OBSL1: variants seen among roughly 807,000 people sequenced by gnomAD.
OBSL1 encodes obscurin like cytoskeletal adaptor 1.
Under a neutral mutation model 172.0 loss-of-function variants are expected in OBSL1, and 160 were observed. That is an observed-to-expected ratio of 0.93 (90% CI 0.82 to 1.06). The LOEUF (loss-of-function observed/expected upper bound fraction) is 1.06. OBSL1 is among the 50% of genes least tolerant of loss of function. The probability of loss-of-function intolerance (pLI) is 0.00; values close to 1 mark genes in which losing one functional copy is unlikely to be tolerated. For synonymous variants in OBSL1, 1,200 were observed against 1,196.3 expected, an observed-to-expected ratio of 1.00 and a Z score of -0.06; for missense variants, 2,681 against 2,715.4, an observed-to-expected ratio of 0.99 and a Z score of 0.28.
At chr2:219,555,669 G>C (rs896716144) in intron 14 of OBSL1, 2 of 1,095,796 alleles carry the variant, frequency 1.8e-6, no homozygotes, top group Admixed American at 4.6e-5. Flanking sequence ...TGGGTGGGAG[G>C]TGTGGGGTGC....
intron 16 of OBSL1, 26 bp downstream of exon 16, chr2:219,553,548 G>A (rs1232907916): frequency 6.5e-7 from 1 of 1,542,774 alleles, no homozygotes; most frequent in East Asian, 2.3e-5. Context: ...ACACTGAAGT[G>A]GGCTTGGCTG....
Position 219,570,843 on chromosome 2 carries a change from G to A in OBSL1, c.390C>T (p.Phe130=), listed in dbSNP as rs1276280158. ...SPGSGEGAPV[F]LTGPRSQWVL... is the part of the protein sequence containing the mutation. ...CCCACTGGGATCGAGGCCCCGTGAG[G>A]AAGACCGGGGCGCCCTCCCCGGACC... The change falls in exon 1 of 21, where the codon TTC becomes TTT. Residue 130 remains phenylalanine (F), a synonymous_variant. Transcript: ENST00000404537. The A allele has an allele frequency of 2.1e-6, 3 of 1,448,912 alleles. No individual in the cohort carries two copies. The highest frequency in any genetic ancestry group is 6.0e-5 in the East Asian group (2 of 33,402). 89.8% of individuals were successfully genotyped at this position (1,448,912 alleles called of 1,614,324 possible).
In OBSL1 at chr2:219,551,590, G is replaced by A. The variant is rs1317355221; in HGVS notation, c.5622C>T (p.Asp1874=). 1.2e-6 allele frequency: 2 copies of A among 1,609,092 alleles called. No homozygotes were observed. Residue 1874 remains aspartate (D), a synonymous_variant, in exon 20 of 21, where the codon GAC becomes GAT. Transcript: ENST00000404537. The part of the protein sequence containing the change: ...SLVIHDVRPE[D]QGTYCCQAGQ... ...CGGCCTGGCAGCAGTAAGTGCCTTG[G>A]TCCTCAGGTCGAACGTCATGGATGA... is the stretch of plus-strand genomic sequence containing the variant.
At chr2:219,557,171 A>G (rs1352382309) in intron 12 of OBSL1, 172 bp downstream of exon 12, 4 of 615,350 alleles carry the variant, frequency 6.5e-6, no homozygotes, top group Non-Finnish European at 7.8e-6. Context: ...TGCTCTCAAC[A>G]TGAGGGTTTC....
Position 219,557,969 on chromosome 2 carries a change from T to C in OBSL1, c.3644A>G (p.Glu1215Gly). Reference protein sequence around the residue: ...VWSHNGRPVQEGEGLELHAEG... With the variant: ...VWSHNGRPVQGGEGLELHAEG... The stretch of plus-strand genomic sequence containing the variant: ...GGCATGGAGCTCTAGGCCCTCGCCC[T>C]CCTGCACGGGCCTCCCATTGTGGCT... The change falls in exon 11 of 21, where the codon GAG (glutamate) becomes GGG (glycine). Residue 1215 changes from glutamate (E) to glycine (G), a missense_variant. Physicochemically the swap from Glu to Gly is moderately conservative, Grantham distance 98. Around this residue, in one of 5 missense-constraint regions of OBSL1, gnomAD observed 1,765 missense variants for 1,748.3 expected, o/e 1.01. Coordinates refer to ENST00000404537, the MANE Select transcript of OBSL1 (RefSeq NM_015311.3). The C allele has an allele frequency of 6.2e-7, 1 of 1,609,718 alleles. No individual in the cohort carries two copies. The highest frequency in any genetic ancestry group is 8.5e-7 in the Non-Finnish European group (1 of 1,178,994).
Position 219,557,253 on chromosome 2 carries a change from A to T in OBSL1, c.4066+90T>A, listed in dbSNP as rs113463491. The T allele has an allele frequency of 1.6e-3, 2,138 of 1,303,016 alleles. 22 individuals carry two copies. In the African/African-American group the frequency reaches 0.029, roughly 18 times the overall value. The allele number at this position is 1,303,016 out of a possible 1,614,324, so 80.7% of individuals were successfully genotyped here. A position where few individuals can be genotyped will look rare whatever the true frequency, so the allele number is the denominator to read the frequency against. On this transcript the variant is annotated intron_variant, in intron 12 of 20. Transcript: ENST00000404537. ...CACTGGTTGGAGCCAGAAGCAGCAA[A>T]GCGGGGGTGGAGGAGTAAGGGGGCC...
chr2:219,550,959 C>T, intron 20 of OBSL1, 117 bp from the exon 21 acceptor site: 1 of 1,538,896 alleles, frequency 6.5e-7, no homozygotes, highest in Non-Finnish European at 8.7e-7. Flanking sequence ...TCTGCCCTAC[C>T]CTTTCTGGGC....
At chr2:219,556,949 A>G in intron 12 of OBSL1, 1 of 539,036 alleles carries the variant, frequency 1.9e-6, no homozygotes, top group Non-Finnish European at 3.2e-6. Context: ...CCTTGGTGGC[A>G]CCCTAATAAT....
intron 6 of OBSL1, among the ~76,000 whole-genome samples, chr2:219,564,379 G>C (rs139938218): frequency 1.3e-5 from 2 of 152,212 alleles, no homozygotes; most frequent in African/African-American, 4.8e-5. Context: ...TGTGTGTGTC[G>C]CCAAGCTATG....
Position 219,568,213 on chromosome 2 carries a change from C to T in OBSL1, c.1124G>A (p.Arg375His), listed in dbSNP as rs779820021. 25 of 1,613,508 alleles carry T rather than the reference C, an allele frequency of 1.5e-5. 1 individual carries two copies. Among genetic ancestry groups the T allele is most frequent in the African/African-American group, 2.7e-5 (2 of 74,938 alleles). ...PNSRIPTAWF[R>H]EDQRLLPCRK... ...GCAGGGCAGCAGCCGCTGGTCCTCA[C>T]GGAACCAGGCCGTGGGGATGCGGGA... is the stretch of plus-strand genomic sequence containing the variant. Residue 375 changes from arginine to histidine, a missense_variant, in exon 2 of 21, where the codon CGT becomes CAT. This residue lies in a region of OBSL1 where 706 missense variants were observed against 695.8 expected (regional missense o/e 1.01). Coordinates refer to ENST00000404537, the MANE Select transcript of OBSL1 (RefSeq NM_015311.3). The surrounding 1 kb of genome is among the most constrained non-coding windows in gnomAD (Gnocchi z 4.1).
Position 219,558,232 on chromosome 2 carries a change from C to T in OBSL1, c.3454G>A (p.Val1152Met), listed in dbSNP as rs760689080. The T allele has an allele frequency of 3.7e-5, 60 of 1,610,676 alleles. No individual in the cohort carries two copies. In the Admixed American group the frequency reaches 8.7e-4, roughly 23 times the overall value. Residue 1152 changes from valine to methionine, a missense_variant, in exon 10 of 21, where the codon GTG becomes ATG. Val to Met is a conservative substitution (Grantham distance 21, BLOSUM62 1). Around this residue, in one of 5 missense-constraint regions of OBSL1, gnomAD observed 1,765 missense variants for 1,748.3 expected, o/e 1.01. Coordinates refer to ENST00000404537, the MANE Select transcript of OBSL1 (RefSeq NM_015311.3). ...HAQPEDAGEY[V>M]CETRHEAITF... ...ATGGCCTCATGCCGGGTCTCACACA[C>T]ATACTCCCCGGCGTCCTCAGGCTGG... is the stretch of plus-strand genomic sequence containing the variant.
In OBSL1 at chr2:219,567,533, A is replaced by G; in HGVS notation, c.1577T>C (p.Met526Thr). The change falls in exon 4 of 21, where the codon ATG becomes ACG. Residue 526 changes from methionine (M) to threonine (T), a missense_variant. Coordinates refer to ENST00000404537, the MANE Select transcript of OBSL1 (RefSeq NM_015311.3). ...GACCGTGTTCTTGTGGCCCTTGAAC[A>G]TCTCTGCCAATATGGGGGGTCCTGG... ...SPPGPPILAE[M>T]FKGHKNTVLL... 6.2e-7 allele frequency: 1 copy of G among 1,612,890 alleles called. No individual in the cohort carries two copies. Among genetic ancestry groups the G allele is most frequent in the East Asian group, 2.2e-5 (1 of 44,840 alleles).
At position 219,563,546 on chromosome 2, in the gene OBSL1, T is replaced by C. The variant is rs772490990; in HGVS notation, c.2489A>G (p.Glu830Gly). Residue 830 changes from glutamate (E) to glycine (G), a missense_variant, in exon 7 of 21, where the codon GAG becomes GGG. Glu to Gly is a moderately conservative substitution (Grantham distance 98). Around this residue, in one of 5 missense-constraint regions of OBSL1, gnomAD observed 1,765 missense variants for 1,748.3 expected, o/e 1.01. Coordinates refer to ENST00000404537, the MANE Select transcript of OBSL1 (RefSeq NM_015311.3). ...ITSECVMLACEVDREDAPVRW... is the reference protein window; with the variant it reads ...ITSECVMLACGVDREDAPVRW... The stretch of plus-strand genomic sequence containing the variant: ...CACAGGGGCGTCCTCTCGGTCCACC[T>C]CACAGGCCAGCATGACACACTCGGA... 1 of 1,612,880 alleles carries C rather than the reference T, an allele frequency of 6.2e-7. No homozygotes were observed. The highest frequency in any genetic ancestry group is 8.5e-7 in the Non-Finnish European group (1 of 1,179,758).
chr2:219,547,987 A>G, downstream of OBSL1: 1 of 1,587,384 alleles, frequency 6.3e-7, no homozygotes, highest in East Asian at 2.3e-5. Context: ...TCTGCTGGCG[A>G]AGCTGGGCCC....
At chr2:219,553,417 C>T (rs952116587) in intron 16 of OBSL1, among the ~76,000 whole-genome samples, 157 bp downstream of exon 16, 1 of 152,172 alleles carries the variant, frequency 6.6e-6, no homozygotes, top group African/African-American at 2.4e-5. Flanking sequence ...ACAAGACCTA[C>T]CTCCTAGAGT....
At chr2:219,556,987 C>G (rs904789162) in intron 12 of OBSL1, 1 of 515,686 alleles carries the variant, frequency 1.9e-6, no homozygotes, top group African/African-American at 1.9e-5. Context: ...CTATTTACAG[C>G]ATTTACTTGT....
intron 7 of OBSL1, 102 bp downstream of exon 7, chr2:219,563,253 T>C: frequency 1.6e-6 from 2 of 1,233,824 alleles, no homozygotes; most frequent in Non-Finnish European, 2.2e-6. Flanking sequence ...GGGAGGGCAG[T>C]AGGGGCGGGG....
Position 219,556,009 on chromosome 2 carries a change from G to T in OBSL1, c.4609+11C>A. 1 of 1,612,900 alleles carries T rather than the reference G, an allele frequency of 6.2e-7. No homozygotes were observed. Among genetic ancestry groups the T allele is most frequent in the Non-Finnish European group, 8.5e-7 (1 of 1,179,610 alleles). The stretch of plus-strand genomic sequence containing the variant: ...GGTGGGTAATGCATTAAGAGAGGAC[G>T]GGGCACTCACGCCTCACGCTGAGCC... On this transcript the variant is annotated intron_variant, in intron 14 of 20. Coordinates refer to ENST00000404537, the MANE Select transcript of OBSL1 (RefSeq NM_015311.3).
At chr2:219,553,258 G>T (rs1185262654) in intron 16 of OBSL1, among the ~76,000 whole-genome samples, 1 of 152,196 alleles carries the variant, frequency 6.6e-6, no homozygotes, top group African/African-American at 2.4e-5. Flanking sequence ...CACTCGGGAA[G>T]CCCAGAGCCA....
Sources: allele counts gnomAD v4.1 joint callset (sites outside exome capture counted in the v4.1 genomes callset), GRCh38; gene constraint gnomAD v4.1.1; regional missense constraint gnomAD v4.1.1; non-coding constraint Gnocchi (gnomAD v3.1); transcripts MANE v1.5; gene names NCBI Gene and HGNC (gene_info 2026-07-23, HGNC 2026-07-21).